Variants in ANO7 observed in about 807,000 individuals in gnomAD.
ANO7 encodes the protein anoctamin 7, also known as anoctamin-7.
A neutral mutation model predicts 115.8 loss-of-function variants in ANO7; 114 were observed. That is an observed-to-expected ratio of 0.98 (90% confidence interval 0.85 to 1.15). The LOEUF (loss-of-function observed/expected upper bound fraction) is 1.15, where lower values mean the gene tolerates loss of function less well. Among genes scored for constraint, ANO7 ranks in the 50% most tolerant of loss-of-function variants. The pLI, the probability that ANO7 is intolerant of heterozygous loss-of-function variation, is 0.00. For missense variants in ANO7, 1,302 were observed against 1,201.2 expected (o/e 1.08, Z -1.24); for synonymous variants, 550 against 498.2 (o/e 1.10, Z -1.38).
intron 21 of ANO7, among the ~76,000 whole-genome samples, chr2:241,219,983 A>G (rs2068971866): frequency 1.3e-5 from 2 of 152,240 alleles, no homozygotes; most frequent in Non-Finnish European, 2.9e-5. Flanking sequence ...CCTAGTAAGC[A>G]GCAATCTCTC....
At chr2:241,201,111 C>T (rs773645367) in intron 6 of ANO7, among the ~76,000 whole-genome samples, 187 bp from the exon 7 acceptor site, 11 of 152,250 alleles carry the variant, frequency 7.2e-5, no homozygotes, top group East Asian at 1.9e-4. Flanking sequence ...GCTGACCTGC[C>T]GGGGAGCCAG....
Position 241,202,285 on chromosome 2 carries a change from C to T in ANO7, c.704C>T (p.Ala235Val). Residue 235 changes from alanine to valine, a missense_variant, in exon 8 of 25, where the codon GCC (alanine) becomes GTC (valine). Coordinates refer to ENST00000674324, the MANE Select transcript of ANO7 (RefSeq NM_001370694.2). The part of the protein sequence containing the change: ...HQLLAEGVLS[A>V]AFPLHDGPFK... ...CTGCTGGCAGAGGGTGTCCTCAGTGCCGCCTTCCCCCTGCATGACGTGAGC... is the reference window on the plus strand; with the variant it reads ...CTGCTGGCAGAGGGTGTCCTCAGTGTCGCCTTCCCCCTGCATGACGTGAGC... The T allele has an allele frequency of 6.2e-7, 1 of 1,613,188 alleles. No homozygotes were observed. Among genetic ancestry groups the T allele is most frequent in the Admixed American group, 1.7e-5 (1 of 60,024 alleles).
At chr2:241,204,827 G>C (rs2068551832) in intron 9 of ANO7, 38 bp from the exon 10 acceptor site, 2 of 1,576,240 alleles carry the variant, frequency 1.3e-6, no homozygotes, top group Non-Finnish European at 1.7e-6. Context: ...CCCCAAGCCT[G>C]GGTTCCTGAT....
the ANO7 span, chr2:241,233,778 C>A: frequency 6.2e-7 from 1 of 1,611,932 alleles, no homozygotes; most frequent in Non-Finnish European, 8.5e-7. This position sits in a 1 kb window ranked among gnomAD's most constrained non-coding sequence, Gnocchi z 4.3. Context: ...GAAAGGTCAA[C>A]AAGCACCTCT....
At chr2:241,201,444 C>T (rs2068470331) in intron 7 of ANO7, 89 bp downstream of exon 7, 2 of 1,438,760 alleles carry the variant, frequency 1.4e-6, no homozygotes, top group Non-Finnish European at 9.5e-7. Flanking sequence ...TGCAGAAAGG[C>T]CTGCTTGAGA....
chr2:241,217,195 G>A (rs1004145962), intron 19 of ANO7, among the ~76,000 whole-genome samples: 4 of 152,238 alleles, frequency 2.6e-5, no homozygotes, highest in Non-Finnish European at 4.4e-5. Flanking sequence ...CCCCAGCGTA[G>A]CCGCGGCATC....
chr2:241,202,319 T>C lies in ANO7; in HGVS notation c.723+15T>C. On this transcript the variant is annotated intron_variant, in intron 8 of 24. Coordinates refer to ENST00000674324, the MANE Select transcript of ANO7 (RefSeq NM_001370694.2). ...CCCTGCATGACGTGAGCTCGGGGGC[T>C]GGGGGCTCCAGCCTGGGTATGGGAG... 6.2e-7 allele frequency: 1 copy of C among 1,606,826 alleles called. No homozygotes were observed. Among genetic ancestry groups the C allele is most frequent in the Non-Finnish European group, 8.5e-7 (1 of 1,176,476 alleles).
chr2:241,214,722 A>G, intron 17 of ANO7, 83 bp from the exon 18 acceptor site: 1 of 1,306,584 alleles, frequency 7.7e-7, no homozygotes, highest in Non-Finnish European at 1.1e-6. Context: ...GGCCGGGATG[A>G]GGGCCAGCTT....
rs772055591 is a variant in ANO7 at position 241,217,817 on chromosome 2, G to A, written c.2104G>A (p.Ala702Thr). The A allele has an allele frequency of 6.2e-7, 1 of 1,609,810 alleles. No homozygotes were observed. The highest frequency in any genetic ancestry group is 8.5e-7 in the Non-Finnish European group (1 of 1,178,888). The change falls in exon 20 of 25, where the codon GCC becomes ACC. Residue 702 changes from alanine (A) to threonine (T), a missense_variant. Physicochemically the swap from Ala to Thr is moderately conservative, Grantham distance 58 (BLOSUM62 0). Transcript: ENST00000674324. ...KFVCEYRRPV[A>T]ERAQDIGIWF... ...CGTCTGCGAGTACCGGCGCCCGGTG[G>A]CCGAGCGCGCCCAGGACATCGGCAT... is the stretch of plus-strand genomic sequence containing the variant.
chr2:241,233,683 A>T, the ANO7 span: 1 of 885,682 alleles, frequency 1.1e-6, no homozygotes, highest in Non-Finnish European at 1.8e-6. The surrounding 1 kb of genome is among the most constrained non-coding windows in gnomAD (Gnocchi z 4.3). Context: ...CTCAAGCCAG[A>T]ATTAGGTCCT....
chr2:241,195,877 G>A (rs750414654), intron 4 of ANO7, 32 bp downstream of exon 4: 45 of 1,614,164 alleles, frequency 2.8e-5, no homozygotes, highest in Non-Finnish European at 3.8e-5. Context: ...CAGGGCCCTA[G>A]GCCCTGCATC....
At chr2:241,197,192 C>A (rs548330586) in intron 4 of ANO7, among the ~76,000 whole-genome samples, 1 of 151,994 alleles carries the variant, frequency 6.6e-6, no homozygotes, top group East Asian at 1.9e-4. Flanking sequence ...CTCCACCTCC[C>A]GGGTTCAAGA....
the ANO7 span, chr2:241,236,456 C>T: frequency 7.2e-5 from 52 of 721,626 alleles, no homozygotes; most frequent in Middle Eastern, 7.9e-4. Context: ...TGTGTCCAGC[C>T]GAGAAGCACA....
In ANO7 at chr2:241,200,178, AC is replaced by A; in HGVS notation, c.513del (p.Glu172SerfsTer9). 1 of 1,612,170 alleles carries A rather than the reference AC, an allele frequency of 6.2e-7. No individual in the cohort carries two copies. Among genetic ancestry groups the A allele is most frequent in the East Asian group, 2.2e-5 (1 of 44,800 alleles). On this transcript the variant is annotated frameshift_variant, in exon 6 of 25. Transcript: ENST00000674324. LOFTEE classifies it high-confidence loss of function. ...NVLLEVVPDV[P>X]PEYYSCRFRV... ...TCCTGCTGGAGGTTGTGCCAGACGTACCCCCCGAGTACTACTCCTGCCGGTT... is the reference window on the plus strand; with the variant it reads ...TCCTGCTGGAGGTTGTGCCAGACGTACCCCCGAGTACTACTCCTGCCGGTT...
Position 241,191,183 on chromosome 2 carries a change from A to T in ANO7, c.109-11A>T. ...ATGCTGATATGCTTCTCCATCCTCC[A>T]TGCCTTCCAGCCAGGTGGACAGCAA... On this transcript the variant is annotated splice_polypyrimidine_tract_variant and intron_variant, in intron 2 of 24. Transcript: ENST00000674324. The T allele has an allele frequency of 6.2e-7, 1 of 1,613,832 alleles. No individual in the cohort carries two copies. Among genetic ancestry groups the T allele is most frequent in the Non-Finnish European group, 8.5e-7 (1 of 1,179,922 alleles).
chr2:241,221,681 C>CT (rs890295621), intron 21 of ANO7, among the ~76,000 whole-genome samples: 4 of 151,456 alleles, frequency 2.6e-5, no homozygotes, highest in East Asian at 3.9e-4. Context: ...GGGATTATTT[C>CT]TTTTTTTTCT....
chr2:241,189,399 G>A (rs756127710), intron 1 of ANO7, among the ~76,000 whole-genome samples: 3 of 152,136 alleles, frequency 2.0e-5, no homozygotes, highest in African/African-American at 4.8e-5. Flanking sequence ...GCCCCAGCTC[G>A]AACCCTCTCC....
At chr2:241,193,795 A>G (rs1267707790) in intron 3 of ANO7, among the ~76,000 whole-genome samples, 3 of 152,178 alleles carry the variant, frequency 2.0e-5, no homozygotes, top group South Asian at 2.1e-4. Flanking sequence ...ATTATTTCCC[A>G]TATTTAGAAA....
At chr2:241,208,858 A>C (rs2068646091) in intron 11 of ANO7, among the ~76,000 whole-genome samples, 1 of 152,206 alleles carries the variant, frequency 6.6e-6, no homozygotes. Context: ...CTTCCAAAAC[A>C]CAGTCAGGGG....
Sources: gnomAD v4.1 joint callset for allele counts (sites outside exome capture counted in the v4.1 genomes callset) on GRCh38, gnomAD v4.1.1 for gene constraint, Gnocchi (gnomAD v3.1) non-coding constraint, MANE v1.5 for transcripts, NCBI Gene and HGNC (gene_info 2026-07-23, HGNC 2026-07-21) for gene names.